Variants in MECOM observed in about 807,000 individuals in gnomAD.
MECOM encodes MDS1 and EVI1 complex locus.
Under a neutral mutation model 116.3 loss-of-function variants are expected in MECOM, and 13 were observed. The ratio of observed to expected loss-of-function variants is 0.11; its 90% CI spans 0.07 to 0.18. The LOEUF (loss-of-function observed/expected upper bound fraction) is 0.18. Ranked by LOEUF, MECOM falls within the 10% of genes least tolerant of loss-of-function variation. MECOM has a pLI of 1.00. For missense variants in MECOM, 1,299 were observed against 1,509.0 expected, an observed-to-expected ratio of 0.86 and a Z score of 2.31; for synonymous variants, 528 against 535.2, an observed-to-expected ratio of 0.99 and a Z score of 0.19.
At chr3:169,139,987 T>C (rs1322404710) in intron 3 of MECOM, among the ~76,000 whole-genome samples, 1 of 151,958 alleles carries the variant, frequency 6.6e-6, no homozygotes, top group African/African-American at 2.4e-5. Flanking sequence ...ATATATCATG[T>C]AGATGTTTGG....
chr3:169,512,254 GAGGCCA>G (rs2109030971), intron 1 of MECOM, among the ~76,000 whole-genome samples: 1 of 152,230 alleles, frequency 6.6e-6, no homozygotes, highest in South Asian at 2.1e-4. Flanking sequence ...ACCATACCCT[GAGGCCA>G]AGGCCAAGAC....
chr3:169,246,521 C>T (rs1755598155), intron 2 of MECOM, among the ~76,000 whole-genome samples: 1 of 149,116 alleles, frequency 6.7e-6, no homozygotes, highest in African/African-American at 2.5e-5. Flanking sequence ...AAACAGTACA[C>T]ATACACTTTT....
intron 2 of MECOM, among the ~76,000 whole-genome samples, chr3:169,375,716 C>T (rs1310320634): frequency 1.3e-5 from 2 of 152,024 alleles, no homozygotes; most frequent in Admixed American, 6.6e-5. Flanking sequence ...AAGCCCAGGA[C>T]CAGACAGATT....
At chr3:169,354,714 C>A (rs189667471) in intron 2 of MECOM, among the ~76,000 whole-genome samples, 41 of 151,998 alleles carry the variant, frequency 2.7e-4, no homozygotes, top group Non-Finnish European at 4.7e-4. Flanking sequence ...CCTCAGGATG[C>A]CGAACCAAGT....
intron 1 of MECOM, among the ~76,000 whole-genome samples, chr3:169,485,252 C>T (rs990551319): frequency 2.0e-5 from 3 of 152,120 alleles, no homozygotes; most frequent in Admixed American, 2.0e-4. Flanking sequence ...GCCTCGGCCT[C>T]CCAAAGTGCT....
chr3:169,193,506 T>C (rs1747994973), intron 2 of MECOM, among the ~76,000 whole-genome samples: 1 of 151,906 alleles, frequency 6.6e-6, no homozygotes, highest in Non-Finnish European at 1.5e-5. Flanking sequence ...TATCCCAAAA[T>C]ATCTTACAGA....
At chr3:169,100,077 T>TTTTCTTTC (rs1207156255) in intron 12 of MECOM, among the ~76,000 whole-genome samples, 4 of 129,280 alleles carry the variant, frequency 3.1e-5, no homozygotes, top group African/African-American at 8.7e-5. Context: ...TCTATTCTTT[T>TTTTCTTTC]TTTCTTTCTT....
chr3:169,627,801 A>G (rs1771560381), intron 1 of MECOM, among the ~76,000 whole-genome samples: 2 of 152,216 alleles, frequency 1.3e-5, no homozygotes, highest in East Asian at 1.9e-4. Context: ...AATGGCCTTT[A>G]CCATAAAGCA....
Position 169,403,322 on chromosome 3 carries a change from G to A in MECOM, c.38-21798C>T, listed in dbSNP as rs557779290. Among the ~76,000 whole-genome samples, 8 of 152,338 alleles carry A rather than the reference G, an allele frequency of 5.3e-5. No individual in the cohort carries two copies. In the South Asian group the frequency reaches 6.2e-4, roughly 12 times the overall value. ...AAATATAGAAAAGGGAAAACAGACA[G>A]AGGGTAGAAGTTGGGTTTTATTTAT... On this transcript the variant is annotated intron_variant, in intron 1 of 16. Transcript: ENST00000651503.
intron 1 of MECOM, among the ~76,000 whole-genome samples, chr3:169,457,333 A>G (rs144224359): frequency 5.3e-5 from 8 of 152,330 alleles, no homozygotes; most frequent in African/African-American, 1.9e-4. Flanking sequence ...ATTTTGAGCT[A>G]CAATTGTTTG....
intron 2 of MECOM, among the ~76,000 whole-genome samples, chr3:169,157,170 C>T (rs1742125740): frequency 1.3e-5 from 2 of 152,094 alleles, no homozygotes; most frequent in African/African-American, 4.8e-5. Context: ...TGAAAGTACA[C>T]CTAAAAAGGT....
In MECOM at chr3:169,089,172, T is replaced by C. The variant is rs781221912; in HGVS notation, c.3413A>G (p.Glu1138Gly). The change falls in exon 16 of 17, where the codon GAA (glutamate) becomes GGA (glycine). Residue 1138 changes from glutamate to glycine, a missense_variant. Coordinates refer to ENST00000651503, the MANE Select transcript of MECOM (RefSeq NM_004991.4). ...AGCAGAAAGTCCACTTTTATATTCTTCCTCTTTATACCTAAAATGAACCAA... is the reference window on the plus strand; with the variant it reads ...AGCAGAAAGTCCACTTTTATATTCTCCCTCTTTATACCTAAAATGAACCAA... The part of the protein sequence containing the change: ...CKTSPVRYKE[E>G]EYKSGLSALD... 1.3e-6 allele frequency: 2 copies of C among 1,538,006 alleles called. No individual in the cohort carries two copies. Among genetic ancestry groups the C allele is most frequent in the Non-Finnish European group, 1.7e-6 (2 of 1,147,154 alleles).
chr3:169,507,012 T>C (rs978557439), intron 1 of MECOM, among the ~76,000 whole-genome samples: 1 of 152,246 alleles, frequency 6.6e-6, no homozygotes, highest in African/African-American at 2.4e-5. Flanking sequence ...AGGAGGAAAC[T>C]TCTTCCCTCT....
chr3:169,288,468 A>G (rs1713823751), intron 2 of MECOM, among the ~76,000 whole-genome samples: 1 of 152,214 alleles, frequency 6.6e-6, no homozygotes, highest in African/African-American at 2.4e-5. Flanking sequence ...CTTTTTGAAT[A>G]TAACATTGAA....
chr3:169,166,221 T>C (rs1015208482), intron 2 of MECOM, among the ~76,000 whole-genome samples: 4 of 152,156 alleles, frequency 2.6e-5, no homozygotes, highest in Non-Finnish European at 5.9e-5. Flanking sequence ...TTTCTATTTA[T>C]TGTGTGGTGG....
At chr3:169,467,498 A>C (rs1208563316) in intron 1 of MECOM, among the ~76,000 whole-genome samples, 1 of 152,004 alleles carries the variant, frequency 6.6e-6, no homozygotes, top group African/African-American at 2.4e-5. Context: ...ACAACCTGCC[A>C]GTAAATCTCT....
At chr3:169,361,675 G>T (rs1292688436) in intron 2 of MECOM, among the ~76,000 whole-genome samples, 1 of 151,830 alleles carries the variant, frequency 6.6e-6, no homozygotes, top group South Asian at 2.1e-4. Context: ...CTTGCTTAAG[G>T]TCACAAAGCT....
At chr3:169,612,488 T>C (rs181385495) in intron 1 of MECOM, among the ~76,000 whole-genome samples, 58 of 152,314 alleles carry the variant, frequency 3.8e-4, no homozygotes, top group African/African-American at 1.3e-3. Flanking sequence ...TCTTGTTTTT[T>C]CTTTTTAACT....
chr3:169,110,801 A>G (rs1397661987), intron 9 of MECOM, among the ~76,000 whole-genome samples: 1 of 152,182 alleles, frequency 6.6e-6, no homozygotes, highest in African/African-American at 2.4e-5. Flanking sequence ...ACATGCAGCA[A>G]TAGGGAATCC....
Sources: gnomAD v4.1 joint callset for allele counts (sites outside exome capture counted in the v4.1 genomes callset) on GRCh38, gnomAD v4.1.1 for gene constraint, MANE v1.5 for transcripts, NCBI Gene and HGNC (gene_info 2026-07-23, HGNC 2026-07-21) for gene names.